CCDC91: variants seen among roughly 807,000 people sequenced by gnomAD.
CCDC91 encodes coiled-coil domain-containing protein 91.
In CCDC91, 48 loss-of-function variants were observed where a neutral mutation model predicts 63.2. That is an observed-to-expected ratio of 0.76 (90% confidence interval 0.60 to 0.97). The LOEUF is 0.97. CCDC91 is among the 50% of genes least tolerant of loss of function. CCDC91 has a pLI of 0.00. For missense variants in CCDC91, 500 were observed against 494.6 expected (o/e 1.01, Z -0.10); for synonymous variants, 167 against 165.8 (o/e 1.01, Z -0.06).
At chr12:28,259,797 T>G (rs1269359111) in intron 3 of CCDC91, among the ~76,000 whole-genome samples, 4 of 151,958 alleles carry the variant, frequency 2.6e-5, no homozygotes, top group Non-Finnish European at 5.9e-5. Context: ...AAATAATTTA[T>G]CATCTCCAAC....
At chr12:28,255,745 A>G (rs1416607592) in intron 1 of CCDC91, 2 of 152,150 alleles carry the variant, frequency 1.3e-5, no homozygotes, top group Non-Finnish European at 2.9e-5. Flanking sequence ...GTCTAAATAT[A>G]TATTTTTTAG....
Position 28,285,036 on chromosome 12 carries a change from G to A in CCDC91, c.110-20613G>A, listed in dbSNP as rs73083941. Among the ~76,000 whole-genome samples, 1,190 of 152,272 alleles carry A rather than the reference G, an allele frequency of 7.8e-3. 5 individuals carry two copies. The highest frequency in any genetic ancestry group is 0.013 in the Non-Finnish European group (897 of 68,000). ...GAAAGAGCACTGCTTTTAGGAATCA[G>A]AAAATGTCCATTGTAGTCTTAATCT... On this transcript the variant is annotated intron_variant, in intron 3 of 12. Transcript: ENST00000536442.
At chr12:28,370,087 G>A (rs190601687) in intron 7 of CCDC91, among the ~76,000 whole-genome samples, 3 of 152,264 alleles carry the variant, frequency 2.0e-5, no homozygotes, top group Admixed American at 2.0e-4. Flanking sequence ...GCAAATTACT[G>A]CAGCCAACTT....
At chr12:28,505,816 T>A (rs1938640041) in intron 12 of CCDC91, among the ~76,000 whole-genome samples, 1 of 151,994 alleles carries the variant, frequency 6.6e-6, no homozygotes, top group African/African-American at 2.4e-5. Context: ...AGTCAGACAT[T>A]CAGTTTCTTT....
chr12:28,296,253 C>T (rs764080786), intron 3 of CCDC91, among the ~76,000 whole-genome samples: 2 of 151,676 alleles, frequency 1.3e-5, no homozygotes, highest in African/African-American at 2.4e-5. Flanking sequence ...TACGAGGCCT[C>T]TTCCTCTGCA....
intron 3 of CCDC91, among the ~76,000 whole-genome samples, chr12:28,283,736 G>T (rs1295886726): frequency 1.3e-5 from 2 of 152,156 alleles, no homozygotes; most frequent in Non-Finnish European, 2.9e-5. Context: ...CATATAGCCT[G>T]AATGTAATTT....
At chr12:28,464,270 G>A (rs754505080) in intron 11 of CCDC91, among the ~76,000 whole-genome samples, 2 of 152,184 alleles carry the variant, frequency 1.3e-5, no homozygotes, top group Non-Finnish European at 2.9e-5. Context: ...TAGGCCACAA[G>A]GACTGCAATA....
At chr12:28,483,101 T>C (rs878855752) in intron 11 of CCDC91, among the ~76,000 whole-genome samples, 13 of 151,996 alleles carry the variant, frequency 8.6e-5, no homozygotes, top group Non-Finnish European at 1.8e-4. Context: ...TTACAGTAAA[T>C]AGATTTGAAA....
intron 11 of CCDC91, among the ~76,000 whole-genome samples, chr12:28,453,118 C>T (rs1949895131): frequency 6.6e-6 from 1 of 151,816 alleles, no homozygotes; most frequent in Non-Finnish European, 1.5e-5. Flanking sequence ...ATTAATAAAA[C>T]CTCACAAATA....
intron 1 of CCDC91, among the ~76,000 whole-genome samples, chr12:28,234,016 G>A (rs1367624468): frequency 3.3e-5 from 5 of 151,990 alleles, no homozygotes; most frequent in Admixed American, 3.3e-4. Flanking sequence ...TCACTATCAT[G>A]CATCCACAGA....
At chr12:28,499,108 GT>G (rs1449994377) in intron 12 of CCDC91, among the ~76,000 whole-genome samples, 2 of 151,530 alleles carry the variant, frequency 1.3e-5, no homozygotes, top group Non-Finnish European at 3.0e-5. Flanking sequence ...TTTATGGTCA[GT>G]TTTATGAACT....
intron 8 of CCDC91, among the ~76,000 whole-genome samples, chr12:28,424,637 G>A (rs1221964664): frequency 6.6e-6 from 1 of 151,876 alleles, no homozygotes; most frequent in East Asian, 1.9e-4. Context: ...AATTTTGAGG[G>A]ATGTGTCATA....
Position 28,450,224 on chromosome 12 carries a change from G to T in CCDC91, c.826G>T (p.Ala276Ser), listed in dbSNP as rs1949733444. ...ACTGTTAAAAGAAAAAATAAAGGAA[G>T]CTTTGATTCAGCAATCTCAAGAACA... The part of the protein sequence containing the change: ...KELLKEKIKE[A>S]LIQQSQEQKE... Residue 276 changes from alanine to serine, a missense_variant, in exon 9 of 13, where the codon GCT (alanine) becomes TCT (serine). Transcript: ENST00000536442. The T allele has an allele frequency of 6.2e-7, 1 of 1,609,962 alleles. No individual in the cohort carries two copies. The highest frequency in any genetic ancestry group is 1.3e-5 in the African/African-American group (1 of 74,710).
intron 12 of CCDC91, among the ~76,000 whole-genome samples, chr12:28,521,131 C>T (rs552541403): frequency 5.3e-5 from 8 of 151,850 alleles, no homozygotes; most frequent in East Asian, 1.9e-4. Context: ...AGCTTGATCG[C>T]GATGGCATTG....
intron 1 of CCDC91, among the ~76,000 whole-genome samples, chr12:28,218,237 G>A (rs1943694923): frequency 6.6e-6 from 1 of 152,040 alleles, no homozygotes; most frequent in Non-Finnish European, 1.5e-5. Flanking sequence ...GCTTTCAAGG[G>A]AATGCGCATT....
At chr12:28,364,890 T>G (rs2138652780) in intron 7 of CCDC91, among the ~76,000 whole-genome samples, 1 of 152,288 alleles carries the variant, frequency 6.6e-6, no homozygotes, top group South Asian at 2.1e-4. Context: ...TCTCAGCATA[T>G]TTTAGAACAC....
At chr12:28,244,269 C>CAA (rs1565662980) in intron 1 of CCDC91, among the ~76,000 whole-genome samples, 1 of 152,016 alleles carries the variant, frequency 6.6e-6, no homozygotes, top group African/African-American at 2.4e-5. Flanking sequence ...TCTAAACTGT[C>CAA]AAGAAATATT....
intron 12 of CCDC91, among the ~76,000 whole-genome samples, chr12:28,502,854 T>C (rs1362931554): frequency 6.9e-6 from 1 of 145,954 alleles, no homozygotes; most frequent in African/African-American, 2.5e-5. Flanking sequence ...ATTTAATAAA[T>C]GGTGCTGGGA....
At chr12:28,307,141 A>C (rs1370565054) in intron 5 of CCDC91, among the ~76,000 whole-genome samples, 196 bp downstream of exon 5, 1 of 151,994 alleles carries the variant, frequency 6.6e-6, no homozygotes, top group Non-Finnish European at 1.5e-5. Context: ...TTTTAAAGAT[A>C]TGAACATCGT....
Sources: allele counts gnomAD v4.1 joint callset (sites outside exome capture counted in the v4.1 genomes callset), GRCh38; gene constraint gnomAD v4.1.1; transcripts MANE v1.5; gene names NCBI Gene and HGNC (gene_info 2026-07-23, HGNC 2026-07-21).